Variants in SOX6 observed in about 807,000 individuals in gnomAD.
The protein encoded by SOX6 is transcription factor SOX-6.
In SOX6, 11 loss-of-function variants were observed where a neutral mutation model predicts 97.8. The observed-to-expected ratio is 0.11, with a 90% CI of 0.07 to 0.19. SOX6 has a LOEUF of 0.19. Among genes scored for constraint, SOX6 ranks in the 10% least tolerant of loss-of-function variants. The probability of loss-of-function intolerance (pLI) is 1.00; values close to 1 mark genes in which losing one functional copy is unlikely to be tolerated. For missense variants in SOX6, 810 were observed against 1,039.5 expected, an observed-to-expected ratio of 0.78 and a Z score of 3.04; for synonymous variants, 360 against 371.4, an observed-to-expected ratio of 0.97 and a Z score of 0.35.
intron 1 of SOX6, among the ~76,000 whole-genome samples, chr11:16,398,566 A>G (rs910083929): frequency 1.3e-5 from 2 of 151,360 alleles, no homozygotes; most frequent in African/African-American, 4.8e-5. Flanking sequence ...TCCATTATAG[A>G]AAAAAAACTA....
chr11:15,989,587 C>T (rs1853979116), intron 13 of SOX6, among the ~76,000 whole-genome samples: 1 of 152,162 alleles, frequency 6.6e-6, no homozygotes, highest in Admixed American at 6.5e-5. Flanking sequence ...TCATTTGCCC[C>T]AGATCACAAC....
chr11:16,269,431 A>G (rs1854180285), intron 3 of SOX6, among the ~76,000 whole-genome samples: 1 of 150,982 alleles, frequency 6.6e-6, no homozygotes. Context: ...GAACTTTAGT[A>G]TCAACTTGAC....
At chr11:16,277,688 T>C (rs527384028) in intron 3 of SOX6, among the ~76,000 whole-genome samples, 13 of 152,208 alleles carry the variant, frequency 8.5e-5, no homozygotes, top group Non-Finnish European at 1.2e-4. Flanking sequence ...ACACTTTCTT[T>C]GGATCAGGAG....
chr11:16,008,233 C>T (rs1464358431), intron 13 of SOX6, among the ~76,000 whole-genome samples: 1 of 152,042 alleles, frequency 6.6e-6, no homozygotes, highest in African/African-American at 2.4e-5. Flanking sequence ...CACAACCAGC[C>T]ATTTTTTGTG....
At chr11:16,031,201 C>T (rs945144703) in intron 12 of SOX6, among the ~76,000 whole-genome samples, 3 of 152,160 alleles carry the variant, frequency 2.0e-5, no homozygotes, top group African/African-American at 7.2e-5. Flanking sequence ...TAAATTCCTT[C>T]TACGATTCAC....
intron 2 of SOX6, among the ~76,000 whole-genome samples, chr11:16,715,901 T>C (rs1314669756): frequency 6.6e-6 from 1 of 152,148 alleles, no homozygotes; most frequent in Non-Finnish European, 1.5e-5. Flanking sequence ...AATTTCAAAG[T>C]TCTAGTCTCC....
intron 3 of SOX6, among the ~76,000 whole-genome samples, chr11:16,654,732 T>G (rs1444163481): frequency 6.6e-6 from 1 of 152,244 alleles, no homozygotes; most frequent in Non-Finnish European, 1.5e-5. Context: ...TTTCATTGTC[T>G]TCTAGCATCT....
intron 3 of SOX6, among the ~76,000 whole-genome samples, chr11:16,275,285 C>CAAAAAAAA (rs869208945): frequency 1.1e-4 from 13 of 123,012 alleles, no homozygotes; most frequent in East Asian, 4.8e-4. Flanking sequence ...ACCAAAAATA[C>CAAAAAAAA]AAAAAAAAAA....
At chr11:16,320,602 G>C (rs1008150715) in intron 2 of SOX6, among the ~76,000 whole-genome samples, 1 of 152,030 alleles carries the variant, frequency 6.6e-6, no homozygotes, top group South Asian at 2.1e-4. Flanking sequence ...CTTGAAGGAA[G>C]GAACAGATTT....
intron 6 of SOX6, among the ~76,000 whole-genome samples, chr11:16,129,172 TTA>T (rs1467339979): frequency 6.6e-6 from 1 of 151,316 alleles, no homozygotes; most frequent in East Asian, 2.1e-4. Flanking sequence ...CTGTCCATCT[TTA>T]TCTCTTTTTT....
At chr11:16,370,681 C>T (rs966818133) in intron 1 of SOX6, among the ~76,000 whole-genome samples, 37 of 152,042 alleles carry the variant, frequency 2.4e-4, no homozygotes, top group Non-Finnish European at 7.4e-5. Context: ...TCCCTCTAAA[C>T]CCTGTACCTT....
intron 6 of SOX6, among the ~76,000 whole-genome samples, chr11:16,114,495 T>A (rs1849301474): frequency 6.6e-6 from 1 of 152,196 alleles, no homozygotes; most frequent in Admixed American, 6.5e-5. Context: ...CCTTGTTAGA[T>A]CCGTGTTCCT....
chr11:16,374,218 C>A (rs555752158), intron 1 of SOX6, among the ~76,000 whole-genome samples: 215 of 152,144 alleles, frequency 1.4e-3, no homozygotes, highest in Non-Finnish European at 2.4e-3. Context: ...TTATAAAACA[C>A]TAAAACCCCA....
chr11:16,553,523 AATGAACAATGAGGGCAGCCAGGGATCAC>A (rs1847713464), intron 4 of SOX6, among the ~76,000 whole-genome samples: 1 of 151,948 alleles, frequency 6.6e-6, no homozygotes, highest in South Asian at 2.1e-4. Context: ...GTCTTATGCT[AATGAACAATGAGGGCAGCCAGGGATCAC>A]TTTTGTCACC....
At chr11:15,992,061 C>G (rs569993167) in intron 13 of SOX6, among the ~76,000 whole-genome samples, 19 of 152,304 alleles carry the variant, frequency 1.2e-4, no homozygotes, top group Admixed American at 3.9e-4. Context: ...CTGGGACTCA[C>G]ATGTAATGCT....
chr11:16,404,563 A>G (rs1858643995), intron 1 of SOX6, among the ~76,000 whole-genome samples: 2 of 152,004 alleles, frequency 1.3e-5, no homozygotes, highest in Admixed American at 1.3e-4. Context: ...TACTTTAAAA[A>G]GGAAAAATAA....
At chr11:16,591,727 G>A (rs1440144709) in intron 4 of SOX6, among the ~76,000 whole-genome samples, 1 of 151,990 alleles carries the variant, frequency 6.6e-6, no homozygotes, top group African/African-American at 2.4e-5. Context: ...GACCTCATTG[G>A]CAAAAACAAC....
chr11:15,985,132 T>C (rs1382605582), intron 15 of SOX6, among the ~76,000 whole-genome samples: 1 of 152,204 alleles, frequency 6.6e-6, no homozygotes, highest in Non-Finnish European at 1.5e-5. Flanking sequence ...TTCATTGGCT[T>C]TGTTTTCTTA....
rs1020736311 is a variant in SOX6 at position 16,563,628 on chromosome 11, C to A, written n.609+48453G>T. Among the ~76,000 whole-genome samples, 5 of 152,108 alleles carry A rather than the reference C, an allele frequency of 3.3e-5. No homozygotes were observed. The South Asian group carries it at 8.3e-4, about 25-fold the overall frequency. On this transcript the variant is annotated intron_variant and non_coding_transcript_variant, in intron 4 of 5. Transcript: ENST00000524520. Reference sequence around the variant, plus strand: ...ATGTCAGGAAACTTTGAGGATATAGCAAAATATCTAATATTCATGTCCTCA... The same window carrying A: ...ATGTCAGGAAACTTTGAGGATATAGAAAAATATCTAATATTCATGTCCTCA...
Sources: gnomAD v4.1 joint callset for allele counts (sites outside exome capture counted in the v4.1 genomes callset) on GRCh38, gnomAD v4.1.1 for gene constraint, MANE v1.5 for transcripts, NCBI Gene and HGNC (gene_info 2026-07-23, HGNC 2026-07-21) for gene names.